The following ZBED4 variants were observed in gnomAD, a reference collection of about 807,000 sequenced individuals.
ZBED4 encodes the protein zinc finger BED domain-containing protein 4.
A neutral mutation model predicts 15.5 loss-of-function variants in ZBED4; 4 were observed. The observed-to-expected ratio is 0.26, with a 90% CI of 0.13 to 0.59. ZBED4 has a LOEUF of 0.59. ZBED4 is among the 20% of genes least tolerant of loss of function. The pLI is 0.90. For synonymous variants in ZBED4, 692 were observed against 608.5 expected (o/e 1.14, Z -2.02); for missense variants, 1,323 against 1,461.8 (o/e 0.91, Z 1.55).
rs1349044442 is a variant in ZBED4, at chr22:49,883,440, GT to G, written c.-220del. ...ACACATTGTTGTCTACACCATGAGT[GT>G]TTAGTAGCAGGACTCTTGGAAAGCA... On this transcript the variant is annotated 5_prime_UTR_variant, in exon 2 of 2. It introduces an in-frame stop codon into an upstream open reading frame of the 5' UTR. Transcript: ENST00000216268. 7.8e-6 allele frequency: 4 copies of G among 514,320 alleles called. No homozygotes were observed. Among genetic ancestry groups the G allele is most frequent in the Non-Finnish European group, 1.3e-5 (4 of 312,930 alleles). The allele number at this position is 514,320 out of a possible 1,614,324, so 31.9% of individuals were successfully genotyped here.
Position 49,883,544 on chromosome 22 carries a change from A to G in ZBED4, c.-119A>G. The G allele has an allele frequency of 2.2e-6, 3 of 1,348,152 alleles. No individual in the cohort carries two copies. The highest frequency in any genetic ancestry group is 3.0e-6 in the Non-Finnish European group (3 of 1,012,678). The allele number at this position is 1,348,152 out of a possible 1,614,324, so 83.5% of individuals were successfully genotyped here. ...TATGATTAGCCATATTTCTAGAAACATCCTGAAAGATGGAATTATGACGAA... is the reference window on the plus strand; with the variant it reads ...TATGATTAGCCATATTTCTAGAAACGTCCTGAAAGATGGAATTATGACGAA... On this transcript the variant is annotated 5_prime_UTR_variant, in exon 2 of 2. Coordinates refer to ENST00000216268, the MANE Select transcript of ZBED4 (RefSeq NM_014838.3).
rs527630020 is a variant in ZBED4, at chr22:49,862,236, C to T, written c.-330+8247C>T. Among the ~76,000 whole-genome samples, 23 of 152,286 alleles carry T rather than the reference C, an allele frequency of 1.5e-4. No individual in the cohort carries two copies. In the South Asian group the frequency reaches 1.9e-3, roughly 12 times the overall value. On this transcript the variant is annotated intron_variant, in intron 1 of 1. Transcript: ENST00000216268. Reference sequence around the variant, plus strand: ...TGGAACCTATACGGAGCGGCCCCAACGCTTCTGCCGCAAAGTCGCTTGGAA... The same window carrying T: ...TGGAACCTATACGGAGCGGCCCCAATGCTTCTGCCGCAAAGTCGCTTGGAA...
At chr22:49,880,843 A>C (rs990199262) in intron 1 of ZBED4, among the ~76,000 whole-genome samples, 1 of 152,178 alleles carries the variant, frequency 6.6e-6, no homozygotes, top group Non-Finnish European at 1.5e-5. Context: ...GTCAACATTG[A>C]GTTTTCTAAT....
chr22:49,854,841 A>C (rs2060268117), intron 1 of ZBED4, among the ~76,000 whole-genome samples: 1 of 152,240 alleles, frequency 6.6e-6, no homozygotes, highest in Non-Finnish European at 1.5e-5. Context: ...AACTCTGATC[A>C]GATTACGTTT....
At position 49,886,772 on chromosome 22, in the gene ZBED4, A is replaced by G. The variant is rs2060441788; in HGVS notation, c.3110A>G (p.Asn1037Ser). ...QDLIRELELM[N>S]STSEDVAASH... Reference sequence around the variant, plus strand: ...TTAATCAGGGAACTCGAACTCATGAATTCTACCTCAGAGGACGTGGCTGCC... The same window carrying G: ...TTAATCAGGGAACTCGAACTCATGAGTTCTACCTCAGAGGACGTGGCTGCC... Residue 1037 changes from asparagine to serine, a missense_variant, in exon 2 of 2, where the codon AAT (asparagine) becomes AGT (serine). Asn to Ser is a conservative substitution (Grantham distance 46). This residue lies in a region of ZBED4 where 312 missense variants were observed against 410.7 expected (regional missense o/e 0.76). Transcript: ENST00000216268. This position sits in a 1 kb window ranked among gnomAD's most constrained non-coding sequence, Gnocchi z 7.7. 6.8e-6 allele frequency: 11 copies of G among 1,612,522 alleles called. No homozygotes were observed. The highest frequency in any genetic ancestry group is 9.3e-6 in the Non-Finnish European group (11 of 1,179,256).
At position 49,884,851 on chromosome 22, in the gene ZBED4, T is replaced by C. The variant is rs1463864322; in HGVS notation, c.1189T>C (p.Leu397=). The change falls in exon 2 of 2, where the codon TTG becomes CTG. Residue 397 remains leucine, a synonymous_variant. Coordinates refer to ENST00000216268, the MANE Select transcript of ZBED4 (RefSeq NM_014838.3). The stretch of plus-strand genomic sequence containing the variant: ...CTCCCCTGACAGGCTGACTGAGGAC[T>C]TGCAGTCTCACTTGAACCCTGGAGA... ...SSSPDRLTED[L]QSHLNPGDGL... The C allele has an allele frequency of 2.5e-6, 4 of 1,610,546 alleles. No homozygotes were observed. Among genetic ancestry groups the C allele is most frequent in the Admixed American group, 3.3e-5 (2 of 59,894 alleles).
rs867174640 is a variant in ZBED4, at chr22:49,888,178, A to T, written c.*1000A>T. 3 of 167,226 alleles carry T rather than the reference A, an allele frequency of 1.8e-5. No individual in the cohort carries two copies. Among genetic ancestry groups the T allele is most frequent in the African/African-American group, 7.2e-5 (3 of 41,460 alleles). The allele number at this position is 167,226 out of a possible 1,614,324, so 10.4% of individuals were successfully genotyped here. A position where few individuals can be genotyped will look rare whatever the true frequency, so the allele number is the denominator to read the frequency against. On this transcript the variant is annotated 3_prime_UTR_variant, in exon 2 of 2. Coordinates refer to ENST00000216268, the MANE Select transcript of ZBED4 (RefSeq NM_014838.3). Reference sequence around the variant, plus strand: ...TGCGGCCATCACTGGGATATTTTCAAATCCCAAGGACATCAGAGTGAAGTG... The same window carrying T: ...TGCGGCCATCACTGGGATATTTTCATATCCCAAGGACATCAGAGTGAAGTG...
chr22:49,865,547 C>T (rs1295320050), intron 1 of ZBED4, among the ~76,000 whole-genome samples: 1 of 151,924 alleles, frequency 6.6e-6, no homozygotes, highest in Non-Finnish European at 1.5e-5. Context: ...TGGTGGCAGG[C>T]ACCTGTAATC....
chr22:49,862,228 G>A (rs954624841), intron 1 of ZBED4, among the ~76,000 whole-genome samples: 1 of 152,126 alleles, frequency 6.6e-6, no homozygotes. Flanking sequence ...TATACGGAGC[G>A]GCCCCAACGC....
chr22:49,862,244 C>A (rs1215216933), intron 1 of ZBED4, among the ~76,000 whole-genome samples: 1 of 152,228 alleles, frequency 6.6e-6, no homozygotes, highest in African/African-American at 2.4e-5. Flanking sequence ...AACGCTTCTG[C>A]CGCAAAGTCG....
At chr22:49,868,604 G>C (rs751289547) in intron 1 of ZBED4, among the ~76,000 whole-genome samples, 31 of 152,092 alleles carry the variant, frequency 2.0e-4, no homozygotes, top group Non-Finnish European at 3.8e-4. Flanking sequence ...AATGAAAACT[G>C]ACCCAAGAAA....
chr22:49,882,458 T>C (rs749628674), intron 1 of ZBED4, among the ~76,000 whole-genome samples: 5 of 152,242 alleles, frequency 3.3e-5, no homozygotes, highest in Non-Finnish European at 7.3e-5. Flanking sequence ...CTGGTTTTAT[T>C]ATAGAATATT....
chr22:49,880,813 C>G (rs2060405211), intron 1 of ZBED4, among the ~76,000 whole-genome samples: 1 of 152,162 alleles, frequency 6.6e-6, no homozygotes, highest in African/African-American at 2.4e-5. Context: ...ATTTATAGGT[C>G]AATTTGGGAA....
At chr22:49,867,100 A>G (rs2060325454) in intron 1 of ZBED4, among the ~76,000 whole-genome samples, 1 of 152,098 alleles carries the variant, frequency 6.6e-6, no homozygotes, top group Admixed American at 6.5e-5. Flanking sequence ...GGTGGGTTGT[A>G]TTTTTATTGT....
chr22:49,872,963 T>C (rs2060356090), intron 1 of ZBED4, among the ~76,000 whole-genome samples: 1 of 152,206 alleles, frequency 6.6e-6, no homozygotes, highest in Non-Finnish European at 1.5e-5. Context: ...CCCAAAGTGC[T>C]AGGATTACAG....
chr22:49,886,832 A>T lies in ZBED4; in HGVS notation c.3170A>T (p.Asp1057Val). ...TGTGATGCTGGCTCCCCGTCGAAAG[A>T]CTCTGCCGCAGAGGAGAACCTGTGG... ...HRCDAGSPSK[D>V]SAAEENLWSL... The change falls in exon 2 of 2, where the codon GAC (aspartate) becomes GTC (valine). Residue 1057 changes from aspartate (D) to valine (V), a missense_variant. Transcript: ENST00000216268. This position sits in a 1 kb window ranked among gnomAD's most constrained non-coding sequence, Gnocchi z 7.7. 6.2e-7 allele frequency: 1 copy of T among 1,613,640 alleles called. No homozygotes were observed. The highest frequency in any genetic ancestry group is 1.7e-5 in the Admixed American group (1 of 59,958).
intron 1 of ZBED4, among the ~76,000 whole-genome samples, chr22:49,869,204 G>A (rs2060335006): frequency 1.3e-5 from 2 of 152,066 alleles, no homozygotes; most frequent in South Asian, 2.1e-4. Context: ...CAGAGTTGGC[G>A]GTGTCAGTGT....
At chr22:49,867,537 G>A (rs1312970356) in intron 1 of ZBED4, among the ~76,000 whole-genome samples, 1 of 152,232 alleles carries the variant, frequency 6.6e-6, no homozygotes, top group East Asian at 1.9e-4. Flanking sequence ...AGAAGTGTCA[G>A]CTGTTTTGTT....
chr22:49,874,345 C>T (rs1376254447), intron 1 of ZBED4, among the ~76,000 whole-genome samples: 1 of 151,846 alleles, frequency 6.6e-6, no homozygotes, highest in Non-Finnish European at 1.5e-5. Flanking sequence ...CATCGAATGA[C>T]GTGCCCATAT....
Sources: gnomAD v4.1 joint callset for allele counts (sites outside exome capture counted in the v4.1 genomes callset) on GRCh38, gnomAD v4.1.1 for gene constraint, gnomAD v4.1.1 regional missense constraint, Gnocchi (gnomAD v3.1) non-coding constraint, MANE v1.5 for transcripts, NCBI Gene and HGNC (gene_info 2026-07-23, HGNC 2026-07-21) for gene names.